The following TIAM1 variants were observed in gnomAD, a reference collection of about 807,000 sequenced individuals.
TIAM1 encodes the protein TIAM Rac1 associated GEF 1, also known as rho guanine nucleotide exchange factor TIAM1.
A neutral mutation model predicts 163.5 loss-of-function variants in TIAM1; 65 were observed. The observed-to-expected ratio is 0.40, with a 90% CI of 0.33 to 0.49. The LOEUF (loss-of-function observed/expected upper bound fraction) is 0.49, where lower values mean the gene tolerates loss of function less well. TIAM1 is among the 20% of genes least tolerant of loss of function. The pLI is 0.77. For missense variants in TIAM1, 1,789 were observed against 2,044.7 expected (o/e 0.87, Z 2.41); for synonymous variants, 833 against 810.1 (o/e 1.03, Z -0.48).
At chr21:31,448,055 G>C (rs555811100) in intron 2 of TIAM1, among the ~76,000 whole-genome samples, 3 of 152,154 alleles carry the variant, frequency 2.0e-5, no homozygotes, top group South Asian at 2.1e-4. Flanking sequence ...GAAAGGAGAG[G>C]AGGAGAGACG....
chr21:31,333,911 C>G (rs147731144), intron 2 of TIAM1, among the ~76,000 whole-genome samples: 94 of 152,170 alleles, frequency 6.2e-4, no homozygotes, highest in Non-Finnish European at 1.2e-3. Context: ...CACCCTCCCC[C>G]CCAAAAAATT....
chr21:31,506,549 T>C (rs190049300), intron 1 of TIAM1, among the ~76,000 whole-genome samples: 201 of 152,340 alleles, frequency 1.3e-3, no homozygotes, highest in African/African-American at 4.7e-3. Context: ...ATAGTATTTC[T>C]CTTTCTGTGT....
chr21:31,355,528 ATTATTTATTTATTTATTTAT>A (rs56133305), intron 2 of TIAM1, among the ~76,000 whole-genome samples: 11 of 144,756 alleles, frequency 7.6e-5, no homozygotes, highest in South Asian at 6.9e-4. Context: ...TCTCTCCTTT[ATTATTTATTTATTTATTTAT>A]TTATTTATTT....
intron 2 of TIAM1, among the ~76,000 whole-genome samples, chr21:31,413,646 G>A (rs1006579668): frequency 4.6e-5 from 7 of 152,198 alleles, no homozygotes; most frequent in Non-Finnish European, 7.4e-5. Context: ...AAAGGAATAC[G>A]ATTAAATTGA....
At chr21:31,437,429 G>A (rs1189962753) in intron 2 of TIAM1, among the ~76,000 whole-genome samples, 1 of 150,892 alleles carries the variant, frequency 6.6e-6, no homozygotes, top group Non-Finnish European at 1.5e-5. Flanking sequence ...ATTGACCCTG[G>A]GAGGTTGAGG....
intron 2 of TIAM1, among the ~76,000 whole-genome samples, chr21:31,328,106 G>A (rs907010625): frequency 5.9e-5 from 9 of 151,976 alleles, no homozygotes; most frequent in African/African-American, 1.9e-4. Context: ...TCAACCCCTT[G>A]CCATCTTGGC....
chr21:31,228,233 A>ATT (rs1569068675), intron 6 of TIAM1, among the ~76,000 whole-genome samples: 1 of 31,320 alleles, frequency 3.2e-5, no homozygotes, highest in African/African-American at 1.1e-4. Flanking sequence ...AAAAAAAAAA[A>ATT]AAAAAAAAAA....
At chr21:31,134,027 C>A (rs991528420) in intron 23 of TIAM1, among the ~76,000 whole-genome samples, 6 of 152,064 alleles carry the variant, frequency 3.9e-5, no homozygotes, top group African/African-American at 9.7e-5. Flanking sequence ...GAGAACGCAC[C>A]ATTGCACTCC....
At chr21:31,122,400 G>C (rs1042072334) in intron 27 of TIAM1, among the ~76,000 whole-genome samples, 1 of 152,110 alleles carries the variant, frequency 6.6e-6, no homozygotes, top group African/African-American at 2.4e-5. Flanking sequence ...CCAACTCAAA[G>C]CTACTGGAAA....
chr21:31,305,416 T>TAAAAAAAAA (rs1242158906), intron 2 of TIAM1, among the ~76,000 whole-genome samples: 3 of 117,876 alleles, frequency 2.5e-5, no homozygotes, highest in African/African-American at 1.0e-4. Context: ...AACTCTGAAA[T>TAAAAAAAAA]AAAAATAAAA....
chr21:31,377,460 G>A (rs1307408055), intron 2 of TIAM1, among the ~76,000 whole-genome samples: 2 of 152,030 alleles, frequency 1.3e-5, no homozygotes, highest in Non-Finnish European at 2.9e-5. Flanking sequence ...TAGTCCTCAA[G>A]GGCTGGAGTG....
intron 2 of TIAM1, among the ~76,000 whole-genome samples, chr21:31,338,595 T>C (rs2075923705): frequency 6.6e-6 from 1 of 152,170 alleles, no homozygotes; most frequent in South Asian, 2.1e-4. Context: ...CCCACAGCCC[T>C]TTCTGCTGGA....
At chr21:31,273,094 T>TA (rs529128301) in intron 3 of TIAM1, among the ~76,000 whole-genome samples, 10 of 151,920 alleles carry the variant, frequency 6.6e-5, no homozygotes, top group South Asian at 2.1e-4. Context: ...AAAAATAAAA[T>TA]AAAAAAAGAT....
chr21:31,471,305 C>T (rs562709965), intron 1 of TIAM1, among the ~76,000 whole-genome samples: 2 of 152,298 alleles, frequency 1.3e-5, no homozygotes, highest in African/African-American at 2.4e-5. Context: ...GGAGGATCAG[C>T]GGCCCCCTCC....
chr21:31,457,450 T>G lies in TIAM1; in HGVS notation c.-369+6533A>C, dbSNP rs557664504. Among the ~76,000 whole-genome samples the G allele has an allele frequency of 9.8e-5, 15 of 152,302 alleles. No homozygotes were observed. In the South Asian group the frequency reaches 1.2e-3, roughly 13 times the overall value. On this transcript the variant is annotated intron_variant, in intron 2 of 28. Transcript: ENST00000286827. ...CTCAAGATTCCTTCCAGTCAAGACTTTCTCTGTGATTTTAACCATCAAACA... is the reference window on the plus strand; with the variant it reads ...CTCAAGATTCCTTCCAGTCAAGACTGTCTCTGTGATTTTAACCATCAAACA...
chr21:31,181,491 G>C (rs1276263009), intron 15 of TIAM1, among the ~76,000 whole-genome samples: 2 of 151,828 alleles, frequency 1.3e-5, no homozygotes, highest in South Asian at 2.1e-4. Flanking sequence ...CAGAAGGAGC[G>C]GGGAGAGGAA....
intron 2 of TIAM1, among the ~76,000 whole-genome samples, chr21:31,285,592 G>A (rs1569162823): frequency 6.6e-6 from 1 of 152,192 alleles, no homozygotes; most frequent in Non-Finnish European, 1.5e-5. Context: ...AGGCATGGTG[G>A]CTCACATCTG....
At chr21:31,434,959 A>G (rs115327151) in intron 2 of TIAM1, among the ~76,000 whole-genome samples, 149 of 152,374 alleles carry the variant, frequency 9.8e-4, no homozygotes, top group African/African-American at 3.5e-3. Flanking sequence ...ATTATGGTTA[A>G]AAGTCTCAGG....
chr21:31,181,285 G>T (rs1022297637), intron 15 of TIAM1, among the ~76,000 whole-genome samples: 1 of 152,148 alleles, frequency 6.6e-6, no homozygotes, highest in African/African-American at 2.4e-5. Flanking sequence ...TATAAACCCA[G>T]TCTCAGGAAA....
Sources: allele counts gnomAD v4.1 joint callset (sites outside exome capture counted in the v4.1 genomes callset), GRCh38; gene constraint gnomAD v4.1.1; transcripts MANE v1.5; gene names NCBI Gene and HGNC (gene_info 2026-07-23, HGNC 2026-07-21).